HDAC8: variants seen among roughly 807,000 people sequenced by gnomAD.
HDAC8 encodes the protein histone deacetylase 8, also known as histone deacetylase-like 1.
HDAC8 carries 1 observed loss-of-function variant against 32.2 expected under a neutral mutation model. The observed-to-expected ratio is 0.03, with a 90% confidence interval of 0.01 to 0.15. The LOEUF is 0.15. HDAC8 is among the 10% of genes least tolerant of loss of function. HDAC8 has a pLI of 1.00. For missense variants in HDAC8, 117 were observed against 300.0 expected (o/e 0.39, Z 4.51); for synonymous variants, 108 against 113.9 (o/e 0.95, Z 0.33).
intron 4 of HDAC8, among the ~76,000 whole-genome samples, chrX:72,496,031 G>A (rs2049009745): frequency 9.0e-6 from 1 of 111,578 alleles, no homozygotes; most frequent in African/African-American, 3.3e-5. Flanking sequence ...AAGCCTTGCT[G>A]ATTAGATGTC....
chrX:72,542,872 G>A (rs782661897), intron 4 of HDAC8, among the ~76,000 whole-genome samples: 5 of 112,377 alleles, frequency 4.4e-5, no homozygotes, highest in Non-Finnish European at 9.4e-5. Flanking sequence ...CAATTTAAGA[G>A]CAAACACTTT....
rs59374504 is a variant in HDAC8 at position 72,388,595 on chromosome X, T to TACACACACAC, written c.1006-36767_1006-36758dup. Among the ~76,000 whole-genome samples, 815 of 88,386 alleles carry TACACACACAC rather than the reference T, an allele frequency of 9.2e-3. 17 individuals are homozygous for TACACACACAC. Among genetic ancestry groups the TACACACACAC allele is most frequent in the African/African-American group, 0.033 (750 of 22,759 alleles). 76.8% of individuals were successfully genotyped at this position (88,386 alleles called of 115,157 possible). A position where few individuals can be genotyped will look rare whatever the true frequency, so the allele number is the denominator to read the frequency against. On this transcript the variant is annotated intron_variant, in intron 9 of 10. Coordinates refer to ENST00000373573, the MANE Select transcript of HDAC8 (RefSeq NM_018486.3). ...TTGTCTATACAAATGCCACAGTGATTACACACACACACACACACACACACA... is the reference window on the plus strand; with the variant it reads ...TTGTCTATACAAATGCCACAGTGATTACACACACACACACACACACACACACACACACACA...
chrX:72,545,906 T>C (rs2050848428), intron 4 of HDAC8, among the ~76,000 whole-genome samples: 1 of 111,808 alleles, frequency 8.9e-6, no homozygotes, highest in African/African-American at 3.2e-5. Flanking sequence ...ATCTCCATTT[T>C]CATGCAGTTA....
intron 9 of HDAC8, among the ~76,000 whole-genome samples, chrX:72,412,596 T>C (rs377114989): frequency 2.7e-5 from 3 of 111,612 alleles, no homozygotes; most frequent in East Asian, 2.8e-4. Flanking sequence ...TAGAATGTAC[T>C]TTGGGTATTT....
chrX:72,381,042 C>T (rs1167465739), intron 9 of HDAC8, among the ~76,000 whole-genome samples: 1 of 111,590 alleles, frequency 9.0e-6, no homozygotes, highest in Non-Finnish European at 1.9e-5. Context: ...TCTTGGTGCT[C>T]AAAATGTGGT....
intron 9 of HDAC8, among the ~76,000 whole-genome samples, chrX:72,424,419 C>T (rs2046573838): frequency 9.0e-6 from 1 of 111,206 alleles, no homozygotes; most frequent in South Asian, 3.8e-4. Flanking sequence ...TATTTTTCTT[C>T]TCTTTTCTTT....
chrX:72,366,530 T>C (rs1278459651), intron 9 of HDAC8, among the ~76,000 whole-genome samples: 1 of 112,551 alleles, frequency 8.9e-6, no homozygotes, highest in African/African-American at 3.2e-5. Context: ...TTCTATCACT[T>C]ACACATTCTA....
At chrX:72,436,758 G>T (rs782761725) in intron 9 of HDAC8, among the ~76,000 whole-genome samples, 1 of 111,311 alleles carries the variant, frequency 9.0e-6, no homozygotes, top group African/African-American at 3.3e-5. Context: ...TAAGACTGAT[G>T]TGATTATTGA....
intron 4 of HDAC8, among the ~76,000 whole-genome samples, chrX:72,509,755 C>CT (rs1210717020): frequency 1.8e-5 from 2 of 109,371 alleles, no homozygotes; most frequent in East Asian, 2.9e-4. Flanking sequence ...GCACCTATTG[C>CT]TTTTTTTTTC....
intron 9 of HDAC8, among the ~76,000 whole-genome samples, chrX:72,389,979 A>G (rs1296677116): frequency 1.8e-5 from 2 of 111,886 alleles, no homozygotes; most frequent in Non-Finnish European, 3.8e-5. Context: ...GACAATAACT[A>G]TACATATTTA....
chrX:72,558,998 G>T (rs2051383222), intron 4 of HDAC8, among the ~76,000 whole-genome samples: 1 of 100,627 alleles, frequency 9.9e-6, no homozygotes, highest in Admixed American at 1.1e-4. Flanking sequence ...AATAGCTGCA[G>T]AAAAAATAAA....
chrX:72,412,828 G>A (rs1162729474), intron 9 of HDAC8, among the ~76,000 whole-genome samples: 1 of 112,209 alleles, frequency 8.9e-6, no homozygotes, highest in Non-Finnish European at 1.9e-5. Flanking sequence ...TAACATGACT[G>A]TCTTGAGGTA....
chrX:72,437,722 C>T (rs1343016167), intron 9 of HDAC8, among the ~76,000 whole-genome samples: 1 of 112,075 alleles, frequency 8.9e-6, no homozygotes, highest in Non-Finnish European at 1.9e-5. Context: ...AACGAAGCCT[C>T]TGGGAAGTTT....
In HDAC8 at chrX:72,564,574, A is replaced by T. The variant is rs1556129236; in HGVS notation, c.437+3315T>A. Among the ~76,000 whole-genome samples the T allele has an allele frequency of 2.7e-5, 3 of 112,394 alleles. No individual in the cohort carries two copies. In the Admixed American group the frequency reaches 2.8e-4, roughly 11 times the overall value. On this transcript the variant is annotated intron_variant, in intron 4 of 10. Coordinates refer to ENST00000373573, the MANE Select transcript of HDAC8 (RefSeq NM_018486.3). ...TTAAAATTTGCTTTTTTAAATATTT[A>T]ACTTTTCAATCTAGCTGTCACTCAT... is the stretch of plus-strand genomic sequence containing the variant.
intron 4 of HDAC8, among the ~76,000 whole-genome samples, chrX:72,511,467 ATATG>A (rs2049582172): frequency 9.0e-6 from 1 of 111,710 alleles, no homozygotes; most frequent in South Asian, 3.8e-4. Context: ...GGCTTAATAC[ATATG>A]TATTTGTATT....
In HDAC8 at chrX:72,572,686, T is replaced by C. The variant is rs782002287; in HGVS notation, c.76A>G (p.Ser26Gly). ...ATCTTGGCCAGGGAGTCACACATAC[T>C]GACATACTCGGGACTATAGATATAA... ...PVYIYSPEYV[S>G]MCDSLAKIPK... The change falls in exon 1 of 11, where the codon AGT becomes GGT. Residue 26 changes from serine (S) to glycine (G), a missense_variant. By Grantham distance (56) the Ser-to-Gly change is moderately conservative (BLOSUM62 0). This residue lies in a region of HDAC8 where 37 missense variants were observed against 53.1 expected (regional missense o/e 0.70). Transcript: ENST00000373573. The C allele has an allele frequency of 9.7e-7, 1 of 1,031,837 alleles. No homozygotes were observed. The highest frequency in any genetic ancestry group is 2.6e-5 in the Admixed American group (1 of 38,434). The allele number at this position is 1,031,837 out of a possible 1,213,427, so 85.0% of individuals were successfully genotyped here.
intron 9 of HDAC8, among the ~76,000 whole-genome samples, chrX:72,423,350 C>G (rs1041136736): frequency 2.7e-5 from 3 of 111,801 alleles, no homozygotes; most frequent in Admixed American, 1.9e-4. Flanking sequence ...AATTTTTACT[C>G]CCCAGAAATA....
intron 9 of HDAC8, among the ~76,000 whole-genome samples, chrX:72,402,326 C>G (rs1569271060): frequency 9.2e-6 from 1 of 108,997 alleles, no homozygotes. Context: ...TTTTTCCTTA[C>G]TGTATTTTCT....
At chrX:72,512,491 C>T (rs1476179974) in intron 4 of HDAC8, among the ~76,000 whole-genome samples, 1 of 111,961 alleles carries the variant, frequency 8.9e-6, no homozygotes, top group African/African-American at 3.2e-5. Flanking sequence ...CTGTGCTTGT[C>T]TCCACCTTCA....
Sources: allele counts gnomAD v4.1 joint callset (sites outside exome capture counted in the v4.1 genomes callset), GRCh38; gene constraint gnomAD v4.1.1; regional missense constraint gnomAD v4.1.1; transcripts MANE v1.5; gene names NCBI Gene and HGNC (gene_info 2026-07-23, HGNC 2026-07-21).